The following DPH6 variants were observed in gnomAD, a reference collection of about 807,000 sequenced individuals.
The protein encoded by DPH6 is diphthine--ammonia ligase.
In DPH6, 33 loss-of-function variants were observed where a neutral mutation model predicts 38.2. That is an observed-to-expected ratio of 0.86 (90% CI 0.65 to 1.15). The LOEUF (loss-of-function observed/expected upper bound fraction) is 1.15, where lower values mean the gene tolerates loss of function less well. Ranked by LOEUF, DPH6 falls within the 50% of genes most tolerant of loss-of-function variation. The pLI, the probability that DPH6 is intolerant of heterozygous loss-of-function variation, is 0.00. For synonymous variants in DPH6, 108 were observed against 103.0 expected (o/e 1.05, Z -0.30); for missense variants, 325 against 320.0 (o/e 1.02, Z -0.12).
rs369836183 is a variant in DPH6 at position 35,390,085 on chromosome 15, T to C, written c.568-8169A>G. Among the ~76,000 whole-genome samples the C allele has an allele frequency of 1.4e-4, 22 of 152,322 alleles. 4 individuals are homozygous for C. Among genetic ancestry groups the C allele is most frequent in the East Asian group, 7.7e-4 (4 of 5,190 alleles). On this transcript the variant is annotated intron_variant, in intron 6 of 8. Coordinates refer to ENST00000256538, the MANE Select transcript of DPH6 (RefSeq NM_080650.4). ...TTTGGTTGTCTGTAAAGGATTTTAT[T>C]TCTCCTTCTCTTATGAAGCTTAGTT...
chr15:35,167,970 G>A, the DPH6 span, among the ~76,000 whole-genome samples: 8 of 152,094 alleles, frequency 5.3e-5, no homozygotes, highest in East Asian at 9.7e-4. Context: ...TTGGCCCTGC[G>A]GATCTAGTCT....
intron 5 of DPH6, among the ~76,000 whole-genome samples, chr15:35,444,679 C>A (rs2053828107): frequency 6.6e-6 from 1 of 152,162 alleles, no homozygotes; most frequent in Non-Finnish European, 1.5e-5. Flanking sequence ...GCACTGTTGA[C>A]CAATATGATG....
At chr15:35,451,286 A>C (rs779381078) in intron 4 of DPH6, among the ~76,000 whole-genome samples, 6 of 152,180 alleles carry the variant, frequency 3.9e-5, no homozygotes, top group Non-Finnish European at 5.9e-5. Context: ...TAAGAAAAAA[A>C]GTACAATGCT....
intron 3 of DPH6, among the ~76,000 whole-genome samples, chr15:35,310,920 A>T (rs534337606): frequency 1.3e-5 from 2 of 151,758 alleles, no homozygotes; most frequent in African/African-American, 4.8e-5. Flanking sequence ...TTATCCAGGC[A>T]TGGTGGCACA....
At chr15:35,464,078 A>G (rs1444664433) in intron 3 of DPH6, among the ~76,000 whole-genome samples, 1 of 151,986 alleles carries the variant, frequency 6.6e-6, no homozygotes, top group Admixed American at 6.6e-5. Flanking sequence ...GGCGGATCAC[A>G]AGGTCAGGAG....
chr15:35,153,347 C>T, the DPH6 span, among the ~76,000 whole-genome samples: 6 of 152,146 alleles, frequency 3.9e-5, 1 homozygote, highest in African/African-American at 1.2e-4. Flanking sequence ...TTTTATTTTT[C>T]CCCTCCTCTT....
chr15:35,201,063 A>G, the DPH6 span, among the ~76,000 whole-genome samples: 1 of 148,332 alleles, frequency 6.7e-6, no homozygotes, highest in Non-Finnish European at 1.5e-5. Context: ...ATATGTATAC[A>G]CACATATTTT....
At chr15:35,337,293 C>G (rs8036384) in intron 3 of DPH6, among the ~76,000 whole-genome samples, 1 of 151,826 alleles carries the variant, frequency 6.6e-6, no homozygotes, top group Non-Finnish European at 1.5e-5. Flanking sequence ...GGTGGTGATA[C>G]CCCCTTTATC....
At chr15:35,433,028 G>GA (rs981386912) in intron 5 of DPH6, among the ~76,000 whole-genome samples, 9 of 151,092 alleles carry the variant, frequency 6.0e-5, no homozygotes, top group Non-Finnish European at 1.0e-4. Flanking sequence ...AATAAAAGTT[G>GA]AAAAAAAAGA....
intron 3 of DPH6, among the ~76,000 whole-genome samples, chr15:35,491,702 A>T (rs965064202): frequency 8.4e-6 from 1 of 119,242 alleles, no homozygotes; most frequent in Non-Finnish European, 1.9e-5. Context: ...CACACATATA[A>T]ATATCTTTAT....
At chr15:35,436,502 A>AC (rs1318571445) in intron 5 of DPH6, among the ~76,000 whole-genome samples, 3 of 113,568 alleles carry the variant, frequency 2.6e-5, no homozygotes, top group African/African-American at 1.2e-4. Context: ...AACAAAACAA[A>AC]ACAAAACAAA....
chr15:35,223,717 TTG>T (rs1270657409), intron 3 of DPH6, among the ~76,000 whole-genome samples: 4 of 152,104 alleles, frequency 2.6e-5, no homozygotes, highest in Non-Finnish European at 5.9e-5. Context: ...TGTCATAATT[TTG>T]GAGGGGACAA....
chr15:35,190,987 C>A, the DPH6 span, among the ~76,000 whole-genome samples: 1 of 152,148 alleles, frequency 6.6e-6, no homozygotes, highest in East Asian at 1.9e-4. Context: ...TCTGAGGTAG[C>A]TTCTGAGGCC....
At position 35,234,064 on chromosome 15, in the gene DPH6, T is replaced by C. The variant is rs565620103; in HGVS notation, n.201-13482A>G. On this transcript the variant is annotated intron_variant and non_coding_transcript_variant, in intron 3 of 3. Coordinates refer to the DPH6 transcript ENST00000560386. Reference sequence around the variant, plus strand: ...GGAACCTGCTATGTTTAGTTCACCATTGTACTTCCAATATTTAGAAAAGTA... The same window carrying C: ...GGAACCTGCTATGTTTAGTTCACCACTGTACTTCCAATATTTAGAAAAGTA... Among the ~76,000 whole-genome samples the C allele has an allele frequency of 1.5e-4, 23 of 152,356 alleles. 1 individual carries two copies. In the East Asian group the frequency reaches 4.0e-3, roughly 27 times the overall value.
intron 3 of DPH6, among the ~76,000 whole-genome samples, chr15:35,303,254 A>G (rs2052066211): frequency 6.6e-6 from 1 of 152,010 alleles, no homozygotes; most frequent in Non-Finnish European, 1.5e-5. Flanking sequence ...ACTTAATAAT[A>G]CTGTCTATAA....
intron 3 of DPH6, among the ~76,000 whole-genome samples, chr15:35,503,534 T>A (rs1160748918): frequency 1.3e-5 from 2 of 152,138 alleles, no homozygotes; most frequent in African/African-American, 4.8e-5. Flanking sequence ...TTAACAGTCC[T>A]TTATCATTCC....
At chr15:35,464,141 A>G (rs916099775) in intron 3 of DPH6, among the ~76,000 whole-genome samples, 20 of 152,022 alleles carry the variant, frequency 1.3e-4, no homozygotes, top group African/African-American at 4.8e-4. Context: ...TAAAAATACA[A>G]AAATTATCTG....
chr15:35,162,050 T>A, the DPH6 span, among the ~76,000 whole-genome samples: 1 of 151,858 alleles, frequency 6.6e-6, no homozygotes, highest in Non-Finnish European at 1.5e-5. Context: ...TTCACCAACA[T>A]CCTATCAAGT....
At chr15:35,525,158 C>G (rs1013797262) in intron 3 of DPH6, among the ~76,000 whole-genome samples, 1 of 152,114 alleles carries the variant, frequency 6.6e-6, no homozygotes, top group East Asian at 1.9e-4. Flanking sequence ...TAATAAGTAC[C>G]CACAAAAGTA....
Sources: gnomAD v4.1 joint callset for allele counts (sites outside exome capture counted in the v4.1 genomes callset) on GRCh38, gnomAD v4.1.1 for gene constraint, MANE v1.5 for transcripts, NCBI Gene and HGNC (gene_info 2026-07-23, HGNC 2026-07-21) for gene names.